FN1: variants seen among roughly 807,000 people sequenced by gnomAD.
FN1 encodes fibronectin.
A neutral mutation model predicts 297.3 loss-of-function variants in FN1; 106 were observed. The ratio of observed to expected loss-of-function variants is 0.36; its 90% CI spans 0.30 to 0.42. The LOEUF (loss-of-function observed/expected upper bound fraction) is 0.42. Ranked by LOEUF, FN1 falls within the 10% of genes least tolerant of loss-of-function variation. The pLI is 1.00. For missense variants in FN1, 2,690 were observed against 3,124.9 expected (o/e 0.86, Z 3.32); for synonymous variants, 1,149 against 1,152.6 (o/e 1.00, Z 0.06).
Position 215,414,894 on chromosome 2 carries a change from G to T in FN1, c.1884C>A (p.Ile628=), listed in dbSNP as rs1247185438. The T allele has an allele frequency of 6.2e-7, 1 of 1,613,710 alleles. No individual in the cohort carries two copies. Among genetic ancestry groups the T allele is most frequent in the Non-Finnish European group, 8.5e-7 (1 of 1,179,648 alleles). The change falls in exon 13 of 46, where the codon ATC becomes ATA. Residue 628 remains isoleucine, a synonymous_variant. Transcript: ENST00000354785. The stretch of plus-strand genomic sequence containing the variant: ...GAGATGGCTGTGGTGCATTCCACTG[G>T]ATGGGGTGGGAGTTGGGCTGACTCG... ...ETPSQPNSHP[I]QWNAPQPSHI...
intron 2 of FN1, among the ~76,000 whole-genome samples, chr2:215,433,741 G>A (rs2066948860): frequency 6.6e-6 from 1 of 152,198 alleles, no homozygotes; most frequent in South Asian, 2.1e-4. Flanking sequence ...TTATGACAGA[G>A]CTAGATTTGT....
At chr2:215,432,056 C>T in intron 3 of FN1, 92 bp from the exon 4 acceptor site, 1 of 1,494,360 alleles carries the variant, frequency 6.7e-7, no homozygotes, top group Middle Eastern at 1.7e-4. Flanking sequence ...CTTAGGTTGG[C>T]TAAAGTAGAG....
intron 11 of FN1, among the ~76,000 whole-genome samples, chr2:215,419,714 T>A (rs1263642577): frequency 1.3e-5 from 2 of 152,230 alleles, no homozygotes; most frequent in Non-Finnish European, 2.9e-5. Flanking sequence ...CATATTAATA[T>A]AACTGGCTTA....
chr2:215,395,575 A>G (rs1561302), intron 23 of FN1, among the ~76,000 whole-genome samples: 36,713 of 151,592 alleles, frequency 0.24, 4,865 homozygotes, highest in African/African-American at 0.3. Context: ...AAAAGAGAGT[A>G]TTGATTGTTG....
At chr2:215,384,460 G>GT (rs770461731) in intron 29 of FN1, 2 of 485,574 alleles carry the variant, frequency 4.1e-6, no homozygotes, top group Non-Finnish European at 3.7e-6. Context: ...GTGGGAGAAG[G>GT]TAAGCCCTCA....
chr2:215,393,305 T>C (rs976441161), intron 24 of FN1, 102 bp from the exon 25 acceptor site: 23 of 1,139,202 alleles, frequency 2.0e-5, no homozygotes, highest in South Asian at 4.5e-5. Flanking sequence ...AGTAGTAAAA[T>C]TGGTGGAATG....
intron 1 of FN1, among the ~76,000 whole-genome samples, chr2:215,435,287 T>A (rs1368375113): frequency 6.6e-6 from 1 of 152,166 alleles, no homozygotes; most frequent in African/African-American, 2.4e-5. Flanking sequence ...ACCAATTATT[T>A]AACAGAAGGA....
chr2:215,392,602 T>A, intron 25 of FN1: 1 of 360,280 alleles, frequency 2.8e-6, no homozygotes, highest in Non-Finnish European at 5.3e-6. Context: ...CGCAATTTGG[T>A]ATTCGTGTTT....
intron 5 of FN1, among the ~76,000 whole-genome samples, chr2:215,429,475 A>C (rs1484413278): frequency 6.6e-6 from 1 of 152,054 alleles, no homozygotes. Context: ...TGGGTTAGAG[A>C]AAAAAAATTA....
intron 11 of FN1, 101 bp downstream of exon 11, chr2:215,420,571 TG>T: frequency 6.8e-7 from 1 of 1,461,600 alleles, no homozygotes. Flanking sequence ...GATCAAAGTC[TG>T]GAGCCAACTT....
At chr2:215,367,795 G>A in intron 42 of FN1, 68 bp downstream of exon 42, 2 of 1,490,502 alleles carry the variant, frequency 1.3e-6, no homozygotes, top group African/African-American at 1.4e-5. Context: ...TGCTTCCTTG[G>A]CACATGAGTG....
chr2:215,378,583 T>G (rs988650654), intron 34 of FN1, among the ~76,000 whole-genome samples: 1 of 152,166 alleles, frequency 6.6e-6, no homozygotes, highest in Non-Finnish European at 1.5e-5. Context: ...AAATCATAAT[T>G]TTTTCCTTAT....
rs2060083872 is a variant in FN1, at chr2:215,394,586, A to G, written c.3738T>C (p.Ser1246=). The G allele has an allele frequency of 1.2e-6, 2 of 1,614,158 alleles. No individual in the cohort carries two copies. The highest frequency in any genetic ancestry group is 1.7e-6 in the Non-Finnish European group (2 of 1,180,000). ...NLSPGLEYNV[S]VYTVKDDKES... ...CCTTGTCATCCTTGACAGTGTAAAC[A>G]CTGACATTGTACTCCAGGCCGGGAC... The change falls in exon 24 of 46, where the codon AGT becomes AGC. Residue 1246 remains serine (S), a synonymous_variant. Transcript: ENST00000354785.
intron 42 of FN1, 175 bp downstream of exon 42, chr2:215,367,688 A>G (rs775483097): frequency 3.5e-5 from 24 of 688,320 alleles, no homozygotes; most frequent in Non-Finnish European, 5.9e-5. Flanking sequence ...AACAAGTAAA[A>G]TTTCCCATCA....
intron 41 of FN1, among the ~76,000 whole-genome samples, chr2:215,369,347 C>T (rs1269290000): frequency 1.3e-5 from 2 of 151,996 alleles, no homozygotes; most frequent in African/African-American, 4.8e-5. Flanking sequence ...TGTAATACAA[C>T]AAACACAAAA....
intron 32 of FN1, 44 bp downstream of exon 32, chr2:215,382,168 C>T: frequency 7.4e-7 from 1 of 1,356,306 alleles, no homozygotes; most frequent in Non-Finnish European, 1.1e-6. Flanking sequence ...CACCCAAGAA[C>T]AAAATTTGAC....
rs865860722 is a variant in FN1 at position 215,423,374 on chromosome 2, T to G, written c.1369A>C (p.Lys457Gln). 1.9e-6 allele frequency: 3 copies of G among 1,614,144 alleles called. No individual in the cohort carries two copies. In the Middle Eastern group the frequency reaches 5.0e-4, roughly 268 times the overall value. ...GTTQNYDADQ[K>Q]FGFCPMAAHE... The stretch of plus-strand genomic sequence containing the variant: ...CCAGCCATGGGGCAGAACCCAAACT[T>G]CTGGTCGGCATCATAGTTCTGTGTG... Residue 457 changes from lysine (K) to glutamine (Q), a missense_variant, in exon 9 of 46, where the codon AAG (lysine) becomes CAG (glutamine). This residue lies in a region of FN1 where 876 missense variants were observed against 1,058.1 expected (regional missense o/e 0.83). Transcript: ENST00000354785.
In FN1 at chr2:215,422,191, A is replaced by G. The variant is rs1005344085; in HGVS notation, c.1446T>C (p.Asp482=). Residue 482 remains aspartate (D), a synonymous_variant, in exon 10 of 46, where the codon GAT becomes GAC. Coordinates refer to ENST00000354785, the MANE Select transcript of FN1 (RefSeq NM_212482.4). ...TNEGVMYRIG[D]QWDKQHDMGH... ...CCATGTCATGCTGCTTATCCCACTG[A>G]TCTCCAATGCGGTACATGACCCCTT... 2 of 1,614,044 alleles carry G rather than the reference A, an allele frequency of 1.2e-6. No individual in the cohort carries two copies. Among genetic ancestry groups the G allele is most frequent in the East Asian group, 4.5e-5 (2 of 44,876 alleles).
At chr2:215,404,776 C>CA in intron 19 of FN1, 121 bp from the exon 20 acceptor site, 7 of 961,074 alleles carry the variant, frequency 7.3e-6, no homozygotes, top group Non-Finnish European at 1.1e-5. Flanking sequence ...ATGTGAAAGT[C>CA]AAAACCCTGG....
Sources: gnomAD v4.1 joint callset for allele counts (sites outside exome capture counted in the v4.1 genomes callset) on GRCh38, gnomAD v4.1.1 for gene constraint, gnomAD v4.1.1 regional missense constraint, MANE v1.5 for transcripts, NCBI Gene and HGNC (gene_info 2026-07-23, HGNC 2026-07-21) for gene names.